Variants in NEK11 observed in about 807,000 individuals in gnomAD.
NEK11 encodes NIMA related kinase 11.
In NEK11, 72 loss-of-function variants were observed where a neutral mutation model predicts 80.7. The ratio of observed to expected loss-of-function variants is 0.89; its 90% CI spans 0.74 to 1.08. The LOEUF (loss-of-function observed/expected upper bound fraction) is 1.08. Among genes scored for constraint, NEK11 ranks in the 50% least tolerant of loss-of-function variants. NEK11 has a pLI of 0.00. For synonymous variants in NEK11, 251 were observed against 260.7 expected, an observed-to-expected ratio of 0.96 and a Z score of 0.36; for missense variants, 764 against 763.6, an observed-to-expected ratio of 1.00 and a Z score of -0.01.
intron 11 of NEK11, 150 bp from the exon 12 acceptor site, chr3:131,165,276 C>A: frequency 1.7e-6 from 1 of 584,504 alleles, no homozygotes; most frequent in South Asian, 2.4e-5. Context: ...GGTGCTGCAC[C>A]ACATTCACCT....
chr3:131,127,201 G>T (rs1213992016), intron 5 of NEK11, among the ~76,000 whole-genome samples: 1 of 151,868 alleles, frequency 6.6e-6, no homozygotes, highest in Non-Finnish European at 1.5e-5. Context: ...CTGACCTCAG[G>T]TGATCCACCC....
At chr3:131,250,169 C>T (rs1303208470) in intron 16 of NEK11, among the ~76,000 whole-genome samples, 1 of 151,488 alleles carries the variant, frequency 6.6e-6, no homozygotes, top group Non-Finnish European at 1.5e-5. Flanking sequence ...AGGAAATTTA[C>T]CAGAATATAA....
In NEK11 at chr3:131,218,829, T is replaced by C. The variant is rs182942158; in HGVS notation, c.1400-9699T>C. On this transcript the variant is annotated intron_variant, in intron 14 of 17. Coordinates refer to ENST00000383366, the MANE Select transcript of NEK11 (RefSeq NM_024800.5). ...GATGATGAGCTTTTTTTCATATGTT[T>C]GTTGGTCACATAAATGTCTTCTTTT... Among the ~76,000 whole-genome samples the C allele has an allele frequency of 1.1e-4, 17 of 152,358 alleles. No individual in the cohort carries two copies. The East Asian group carries it at 2.7e-3, about 24-fold the overall frequency.
intron 4 of NEK11, among the ~76,000 whole-genome samples, chr3:131,080,916 T>G (rs760489099): frequency 1.3e-5 from 2 of 152,026 alleles, no homozygotes; most frequent in African/African-American, 4.8e-5. Context: ...GAGACCAGAC[T>G]AGGAAACATA....
chr3:131,321,784 A>G (rs1376450945), intron 17 of NEK11, among the ~76,000 whole-genome samples: 5 of 152,190 alleles, frequency 3.3e-5, no homozygotes, highest in African/African-American at 9.7e-5. Context: ...CAAAACCACA[A>G]TGAGATACCA....
intron 15 of NEK11, among the ~76,000 whole-genome samples, chr3:131,243,143 C>T (rs150500623): frequency 0.011 from 1,657 of 152,178 alleles, 35 homozygotes; most frequent in African/African-American, 0.038. Flanking sequence ...GACATAAGCA[C>T]ACGAAGGAGA....
intron 17 of NEK11, among the ~76,000 whole-genome samples, chr3:131,294,883 T>C (rs60233434): frequency 0.14 from 21,475 of 152,092 alleles, 1,710 homozygotes; most frequent in South Asian, 0.23. Flanking sequence ...TGTCTGAAAT[T>C]ATTAAGGCTC....
At chr3:131,108,506 G>A (rs770699486) in intron 4 of NEK11, among the ~76,000 whole-genome samples, 24 of 152,008 alleles carry the variant, frequency 1.6e-4, no homozygotes, top group Admixed American at 5.9e-4. Context: ...CTAAGTTTTC[G>A]GTGTTTTACA....
At chr3:131,116,389 G>A (rs762349268) in intron 5 of NEK11, among the ~76,000 whole-genome samples, 4 of 152,050 alleles carry the variant, frequency 2.6e-5, no homozygotes, top group Non-Finnish European at 5.9e-5. Flanking sequence ...TGGAAATTTG[G>A]GTTGGTTCCA....
At chr3:131,062,850 C>T (rs867351559) in intron 3 of NEK11, among the ~76,000 whole-genome samples, 3 of 152,132 alleles carry the variant, frequency 2.0e-5, no homozygotes, top group Non-Finnish European at 4.4e-5. Flanking sequence ...AGGCTCCAAC[C>T]GATCCCCACT....
intron 15 of NEK11, among the ~76,000 whole-genome samples, chr3:131,232,445 A>G (rs566286400): frequency 8.3e-4 from 127 of 152,312 alleles, no homozygotes; most frequent in African/African-American, 3.0e-3. Flanking sequence ...TAATGACTCG[A>G]CACAAATCTT....
intron 12 of NEK11, among the ~76,000 whole-genome samples, chr3:131,166,652 C>T (rs1361675589): frequency 6.6e-6 from 1 of 152,182 alleles, no homozygotes; most frequent in Non-Finnish European, 1.5e-5. Flanking sequence ...ACCCCTCTGA[C>T]ACACCATTTA....
At chr3:131,319,127 T>C (rs1391381440) in intron 17 of NEK11, among the ~76,000 whole-genome samples, 2 of 152,332 alleles carry the variant, frequency 1.3e-5, no homozygotes, top group East Asian at 3.9e-4. Context: ...AGTTCATAGA[T>C]GTGACCTTTT....
At chr3:131,174,873 A>C in intron 14 of NEK11, 1 of 1,536,914 alleles carries the variant, frequency 6.5e-7, no homozygotes, top group Non-Finnish European at 8.7e-7. Flanking sequence ...CACCATTCAG[A>C]TGTGGAGAAT....
chr3:131,032,369 A>G (rs1001766672), intron 3 of NEK11, among the ~76,000 whole-genome samples: 3 of 152,238 alleles, frequency 2.0e-5, no homozygotes, highest in Admixed American at 1.3e-4. Flanking sequence ...GTGTAGCCAC[A>G]ATGGACTGCT....
chr3:131,138,579 T>C (rs1578929024), intron 7 of NEK11, among the ~76,000 whole-genome samples: 1 of 151,874 alleles, frequency 6.6e-6, no homozygotes, highest in African/African-American at 2.4e-5. Context: ...TAATAGGAAG[T>C]AGTTATGGGG....
At chr3:131,280,248 A>G (rs2096374219) in intron 17 of NEK11, among the ~76,000 whole-genome samples, 1 of 152,198 alleles carries the variant, frequency 6.6e-6, no homozygotes, top group African/African-American at 2.4e-5. Flanking sequence ...TTGCCAATTC[A>G]TGCAGTGAGC....
intron 5 of NEK11, among the ~76,000 whole-genome samples, chr3:131,122,447 C>CAACA (rs1486769827): frequency 1.3e-5 from 2 of 152,206 alleles, no homozygotes; most frequent in East Asian, 3.9e-4. Context: ...TTCTGACTTA[C>CAACA]AACATAGAGG....
chr3:131,325,906 T>C (rs1049934753), intron 17 of NEK11: 2 of 152,206 alleles, frequency 1.3e-5, no homozygotes, highest in South Asian at 2.1e-4. Flanking sequence ...TGTGATTGGA[T>C]GCCAGATTGA....
Sources: allele counts gnomAD v4.1 joint callset (sites outside exome capture counted in the v4.1 genomes callset), GRCh38; gene constraint gnomAD v4.1.1; transcripts MANE v1.5; gene names NCBI Gene and HGNC (gene_info 2026-07-23, HGNC 2026-07-21).